Variants in MAGI3 observed in about 807,000 individuals in gnomAD.
MAGI3 encodes membrane-associated guanylate kinase, WW and PDZ domain-containing protein 3.
A neutral mutation model predicts 121.8 loss-of-function variants in MAGI3; 43 were observed. That is an observed-to-expected ratio of 0.35 (90% CI 0.28 to 0.46). MAGI3 has a LOEUF of 0.46. Among genes scored for constraint, MAGI3 ranks in the 20% least tolerant of loss-of-function variants. The probability of loss-of-function intolerance (pLI) is 1.00; values close to 1 mark genes in which losing one functional copy is unlikely to be tolerated. For synonymous variants in MAGI3, 553 were observed against 639.3 expected (o/e 0.86, Z 2.04); for missense variants, 1,547 against 1,797.3 (o/e 0.86, Z 2.52).
At chr1:113,629,536 T>G (rs2101799838) in intron 9 of MAGI3, among the ~76,000 whole-genome samples, 1 of 152,268 alleles carries the variant, frequency 6.6e-6, no homozygotes, top group Admixed American at 6.5e-5. Flanking sequence ...TTGTAGTTTT[T>G]GCAGGCTGGG....
At chr1:113,682,406 T>C (rs1276953374) in intron 20 of MAGI3, 4 of 1,420,598 alleles carry the variant, frequency 2.8e-6, no homozygotes, top group Non-Finnish European at 3.7e-6. Flanking sequence ...CTTTTCAGTC[T>C]TCTTTTGACA....
chr1:113,429,511 A>G (rs966473937), intron 1 of MAGI3, among the ~76,000 whole-genome samples: 7 of 152,322 alleles, frequency 4.6e-5, no homozygotes, highest in African/African-American at 1.7e-4. Flanking sequence ...TTTACACTCT[A>G]TGTAAATGAA....
intron 16 of MAGI3, among the ~76,000 whole-genome samples, chr1:113,660,595 C>G (rs1653731201): frequency 6.8e-6 from 1 of 146,500 alleles, no homozygotes; most frequent in Non-Finnish European, 1.5e-5. Flanking sequence ...TATTGGTTGA[C>G]TATGATACTA....
chr1:113,677,891 G>T (rs2101032232), intron 19 of MAGI3, among the ~76,000 whole-genome samples: 1 of 152,214 alleles, frequency 6.6e-6, no homozygotes, highest in South Asian at 2.1e-4. Context: ...AATGTTAAAA[G>T]GATGTTTACT....
At chr1:113,533,175 G>A (rs1028686540) in intron 1 of MAGI3, among the ~76,000 whole-genome samples, 11 of 152,002 alleles carry the variant, frequency 7.2e-5, no homozygotes, top group African/African-American at 2.7e-4. Context: ...ATAGACCTCC[G>A]GATTACTTGT....
chr1:113,455,607 C>A (rs1455696807), intron 1 of MAGI3, among the ~76,000 whole-genome samples: 2 of 151,998 alleles, frequency 1.3e-5, no homozygotes, highest in African/African-American at 4.8e-5. Flanking sequence ...TTTGCACGTC[C>A]TGTTTGTTTT....
chr1:113,666,275 T>G (rs1654040359), intron 16 of MAGI3, among the ~76,000 whole-genome samples: 1 of 152,238 alleles, frequency 6.6e-6, no homozygotes, highest in African/African-American at 2.4e-5. Context: ...TGATGCTGTT[T>G]GATAGCATTT....
Position 113,681,297 on chromosome 1 carries a change from C to T in MAGI3, c.3289C>T (p.Leu1097Phe), listed in dbSNP as rs1481057108. 6.2e-7 allele frequency: 1 copy of T among 1,614,092 alleles called. No individual in the cohort carries two copies. The highest frequency in any genetic ancestry group is 1.7e-5 in the Admixed American group (1 of 60,002). ...TCAGGCTGGTGGAAATAAAGTTCTT[C>T]TTCTTTTGAGGCCAGGAACTGGCTT... ...LIQAGGNKVL[L>F]LLRPGTGLIP... The change falls in exon 20 of 21, where the codon CTT becomes TTT. Residue 1097 changes from leucine to phenylalanine, a missense_variant. By Grantham distance (22) the Leu-to-Phe change is conservative (BLOSUM62 0). Coordinates refer to ENST00000307546, the MANE Select transcript of MAGI3 (RefSeq NM_001142782.2).
At chr1:113,603,679 A>G (rs1213572209) in intron 6 of MAGI3, among the ~76,000 whole-genome samples, 1 of 152,172 alleles carries the variant, frequency 6.6e-6, no homozygotes, top group African/African-American at 2.4e-5. Context: ...AAATAATCAT[A>G]AGAGTAAACT....
At chr1:113,395,087 GTTTTTTTT>G (rs139532433) in intron 1 of MAGI3, among the ~76,000 whole-genome samples, 4 of 33,238 alleles carry the variant, frequency 1.2e-4, no homozygotes, top group Admixed American at 4.0e-4. Context: ...CTTTTTGTTA[GTTTTTTTT>G]TTTTTTTTTT....
chr1:113,655,197 G>T (rs555923433), intron 15 of MAGI3, among the ~76,000 whole-genome samples: 1 of 152,200 alleles, frequency 6.6e-6, no homozygotes, highest in African/African-American at 2.4e-5. Context: ...TTGTATCATT[G>T]GAATCAGTAT....
chr1:113,649,367 C>T, intron 13 of MAGI3, 39 bp downstream of exon 13: 3 of 1,461,624 alleles, frequency 2.1e-6, no homozygotes, highest in Admixed American at 2.0e-5. Flanking sequence ...GTTTCCTGTT[C>T]AAACGTTTTG....
chr1:113,437,898 CCTT>C (rs1653700348), intron 1 of MAGI3, among the ~76,000 whole-genome samples: 1 of 4,140 alleles, frequency 2.4e-4, no homozygotes, highest in Non-Finnish European at 5.3e-4. Context: ...TTCTCCTTCT[CCTT>C]CTCCTTCTCC....
At chr1:113,541,604 A>C (rs181722379) in intron 1 of MAGI3, among the ~76,000 whole-genome samples, 246 of 152,214 alleles carry the variant, frequency 1.6e-3, no homozygotes, top group African/African-American at 5.8e-3. Context: ...TGTAGATATA[A>C]ACCTTCTGAG....
intron 1 of MAGI3, among the ~76,000 whole-genome samples, chr1:113,509,157 A>G (rs1364688025): frequency 6.6e-6 from 1 of 152,120 alleles, no homozygotes; most frequent in Non-Finnish European, 1.5e-5. Flanking sequence ...TTTGAGATCT[A>G]GAAATTTTTC....
intron 9 of MAGI3, among the ~76,000 whole-genome samples, chr1:113,638,500 T>C (rs542009518): frequency 6.6e-6 from 1 of 152,378 alleles, no homozygotes; most frequent in African/African-American, 2.4e-5. Context: ...GTCCACTCCC[T>C]ACCCTGTTTG....
In MAGI3 at chr1:113,653,956, G is replaced by A; in HGVS notation, c.2567G>A (p.Arg856Gln). Reference protein sequence around the residue: ...PQEPYDVVLQRKENEGFGFVI... With the variant: ...PQEPYDVVLQQKENEGFGFVI... The stretch of plus-strand genomic sequence containing the variant: ...GAGCCCTATGATGTTGTCTTGCAAC[G>A]AAAAGAAAATGAAGGATTTGGCTTT... The change falls in exon 15 of 21, where the codon CGA becomes CAA. Residue 856 changes from arginine (R) to glutamine (Q), a missense_variant. By Grantham distance (43) the Arg-to-Gln change is conservative (BLOSUM62 1). Coordinates refer to ENST00000307546, the MANE Select transcript of MAGI3 (RefSeq NM_001142782.2). The A allele has an allele frequency of 6.2e-7, 1 of 1,613,750 alleles. No individual in the cohort carries two copies. The highest frequency in any genetic ancestry group is 2.2e-5 in the East Asian group (1 of 44,816).
At chr1:113,396,133 T>C (rs1651102576) in intron 1 of MAGI3, among the ~76,000 whole-genome samples, 1 of 152,158 alleles carries the variant, frequency 6.6e-6, no homozygotes, top group African/African-American at 2.4e-5. Flanking sequence ...TCTTCTCAAG[T>C]GATAGTTTCA....
chr1:113,527,033 A>T (rs376468567), intron 1 of MAGI3, among the ~76,000 whole-genome samples: 33 of 152,330 alleles, frequency 2.2e-4, no homozygotes, highest in African/African-American at 7.7e-4. Flanking sequence ...TGTGAGAACT[A>T]AAAGAATTAA....
Sources: gnomAD v4.1 joint callset for allele counts (sites outside exome capture counted in the v4.1 genomes callset) on GRCh38, gnomAD v4.1.1 for gene constraint, MANE v1.5 for transcripts, NCBI Gene and HGNC (gene_info 2026-07-23, HGNC 2026-07-21) for gene names.